The following ARHGAP10 variants were observed in gnomAD, a reference collection of about 807,000 sequenced individuals.
ARHGAP10 encodes Rho GTPase activating protein 10.
Under a neutral mutation model 108.6 loss-of-function variants are expected in ARHGAP10, and 87 were observed. The ratio of observed to expected loss-of-function variants is 0.80; its 90% CI spans 0.67 to 0.96. ARHGAP10 has a LOEUF of 0.96. Ranked by LOEUF, ARHGAP10 falls within the 40% of genes least tolerant of loss-of-function variation. The pLI is 0.00. For synonymous variants in ARHGAP10, 347 were observed against 341.1 expected, an observed-to-expected ratio of 1.02 and a Z score of -0.19; for missense variants, 939 against 954.5, an observed-to-expected ratio of 0.98 and a Z score of 0.21.
At chr4:147,881,975 A>G in intron 10 of ARHGAP10, 43 bp downstream of exon 10, 1 of 1,566,168 alleles carries the variant, frequency 6.4e-7, no homozygotes, top group Non-Finnish European at 8.7e-7. Flanking sequence ...GAGTCGTTTT[A>G]AAAAAATGAT....
At chr4:147,732,670 G>A (rs1728267206) in intron 1 of ARHGAP10, among the ~76,000 whole-genome samples, 1 of 152,110 alleles carries the variant, frequency 6.6e-6, no homozygotes, top group Admixed American at 6.5e-5. Flanking sequence ...CGCCCCTGCG[G>A]CTCTGCGGCG....
intron 1 of ARHGAP10, among the ~76,000 whole-genome samples, chr4:147,772,456 C>T (rs768923505): frequency 3.3e-5 from 5 of 152,088 alleles, no homozygotes; most frequent in Non-Finnish European, 2.9e-5. Context: ...GTAGGATAGG[C>T]GAGTGAGAAA....
At chr4:147,791,604 T>G (rs530691974) in intron 1 of ARHGAP10, among the ~76,000 whole-genome samples, 2 of 151,866 alleles carry the variant, frequency 1.3e-5, no homozygotes, top group South Asian at 4.2e-4. Context: ...TTGTTTTTCC[T>G]CCCTGCGGGG....
At chr4:147,905,985 CTT>C (rs747352905) in intron 10 of ARHGAP10, among the ~76,000 whole-genome samples, 16 of 152,160 alleles carry the variant, frequency 1.1e-4, no homozygotes, top group Admixed American at 8.5e-4. Flanking sequence ...ATTTTATTCT[CTT>C]TGAAGCAATT....
chr4:147,872,179 G>A (rs561378771), intron 7 of ARHGAP10, among the ~76,000 whole-genome samples: 83 of 152,024 alleles, frequency 5.5e-4, no homozygotes, highest in Non-Finnish European at 5.9e-5. Context: ...TGAGGGAGAG[G>A]GGGACCTCAT....
chr4:147,874,883 G>T, intron 7 of ARHGAP10, 138 bp from the exon 8 acceptor site: 1 of 861,122 alleles, frequency 1.2e-6, no homozygotes, highest in Non-Finnish European at 1.6e-6. Context: ...TGGAAAGAAT[G>T]GGGGTATTTT....
chr4:147,910,202 T>G (rs186954839), intron 12 of ARHGAP10, among the ~76,000 whole-genome samples: 21 of 152,120 alleles, frequency 1.4e-4, no homozygotes, highest in Admixed American at 3.9e-4. Context: ...TTTTTTGTTG[T>G]TGTTGAGATG....
At chr4:148,040,491 A>G (rs1420272982) in intron 19 of ARHGAP10, among the ~76,000 whole-genome samples, 1 of 151,984 alleles carries the variant, frequency 6.6e-6, no homozygotes, top group South Asian at 2.1e-4. Flanking sequence ...ACAGGCGTGC[A>G]CCACCACACC....
intron 18 of ARHGAP10, among the ~76,000 whole-genome samples, chr4:147,999,705 G>C (rs1056463253): frequency 2.6e-5 from 4 of 152,136 alleles, no homozygotes; most frequent in Non-Finnish European, 5.9e-5. Context: ...GATTCCATTC[G>C]TTGGAATCCG....
chr4:147,925,420 T>C (rs1578696705), intron 13 of ARHGAP10, among the ~76,000 whole-genome samples: 1 of 146,022 alleles, frequency 6.8e-6, no homozygotes, highest in East Asian at 2.1e-4. Flanking sequence ...GCCTTGAGTT[T>C]GAGTCTCTTT....
chr4:147,877,115 T>C lies in ARHGAP10; in HGVS notation c.832+1965T>C, dbSNP rs545558191. On this transcript the variant is annotated intron_variant, in intron 8 of 22. Transcript: ENST00000336498. ...CTTAAGTAGTGGAAAGACCTTGATA[T>C]TTGGGGCCAGAGATTCTGATTTAAG... 6.6e-5 allele frequency among the ~76,000 whole-genome samples: 10 copies of C among 152,316 alleles called. No homozygotes were observed. In the South Asian group the frequency reaches 1.9e-3, roughly 28 times the overall value.
chr4:147,819,847 C>T (rs948243429), intron 1 of ARHGAP10, among the ~76,000 whole-genome samples: 1 of 152,200 alleles, frequency 6.6e-6, no homozygotes, highest in Non-Finnish European at 1.5e-5. Context: ...GCCTGAGCCA[C>T]CGTGCACAGC....
At chr4:147,791,051 A>C (rs1013734744) in intron 1 of ARHGAP10, among the ~76,000 whole-genome samples, 3 of 151,874 alleles carry the variant, frequency 2.0e-5, no homozygotes, top group African/African-American at 7.3e-5. Context: ...GTTTATGAGT[A>C]ATGTAAGGTA....
chr4:148,060,931 G>T (rs1419255518), intron 20 of ARHGAP10, among the ~76,000 whole-genome samples: 1 of 152,170 alleles, frequency 6.6e-6, no homozygotes, highest in African/African-American at 2.4e-5. Flanking sequence ...TGCTGATTCT[G>T]TGTTCCTGTT....
chr4:147,752,973 A>G lies in ARHGAP10; in HGVS notation c.154+20518A>G, dbSNP rs1277526020. Among the ~76,000 whole-genome samples, 7 of 152,306 alleles carry G rather than the reference A, an allele frequency of 4.6e-5. No individual in the cohort carries two copies. The South Asian group carries it at 1.2e-3, about 27-fold the overall frequency. On this transcript the variant is annotated intron_variant, in intron 1 of 22. Coordinates refer to ENST00000336498, the MANE Select transcript of ARHGAP10 (RefSeq NM_024605.4). ...ATTCTCTTTGGTGATGGTATTCTCA[A>G]TGTATTTAATCTGAAGTAAATTTTC...
chr4:147,784,025 AAC>A (rs201786763), intron 1 of ARHGAP10, among the ~76,000 whole-genome samples: 4,780 of 139,208 alleles, frequency 0.034, 103 homozygotes, highest in South Asian at 0.12. Flanking sequence ...ATAATTATAT[AAC>A]ACACATTAAA....
intron 1 of ARHGAP10, among the ~76,000 whole-genome samples, chr4:147,758,193 G>A (rs769237972): frequency 1.3e-5 from 2 of 151,620 alleles, no homozygotes; most frequent in East Asian, 1.9e-4. Flanking sequence ...AACCCGGGAC[G>A]TGGAGGTTGT....
chr4:147,784,557 A>G (rs1479607657), intron 1 of ARHGAP10, among the ~76,000 whole-genome samples: 2 of 116,990 alleles, frequency 1.7e-5, no homozygotes, highest in Non-Finnish European at 3.2e-5. Flanking sequence ...TATATATTAT[A>G]TATATTATGC....
intron 1 of ARHGAP10, among the ~76,000 whole-genome samples, chr4:147,780,246 G>C (rs911911345): frequency 6.6e-6 from 1 of 152,120 alleles, no homozygotes; most frequent in Non-Finnish European, 1.5e-5. Flanking sequence ...TGGGAGCAGA[G>C]CTGGTCCCGT....
Sources: allele counts gnomAD v4.1 joint callset (sites outside exome capture counted in the v4.1 genomes callset), GRCh38; gene constraint gnomAD v4.1.1; transcripts MANE v1.5; gene names NCBI Gene and HGNC (gene_info 2026-07-23, HGNC 2026-07-21).